Variants in MSRB3 observed in about 807,000 individuals in gnomAD.
The protein encoded by MSRB3 is methionine sulfoxide reductase B3, also known as methionine-R-sulfoxide reductase B3.
Under a neutral mutation model 21.0 loss-of-function variants are expected in MSRB3, and 13 were observed. The observed-to-expected ratio is 0.62, with a 90% CI of 0.40 to 0.98. MSRB3 has a LOEUF of 0.98. MSRB3 is among the 50% of genes least tolerant of loss of function. MSRB3 has a pLI of 0.00. For missense variants in MSRB3, 199 were observed against 230.3 expected (o/e 0.86, Z 0.88); for synonymous variants, 87 against 88.6 (o/e 0.98, Z 0.10).
chr12:65,351,677 A>G (rs1314190635), intron 4 of MSRB3, among the ~76,000 whole-genome samples: 3 of 149,616 alleles, frequency 2.0e-5, no homozygotes, highest in Non-Finnish European at 4.4e-5. Context: ...AGAGAATACT[A>G]CAAACACCTC....
chr12:65,405,484 C>T (rs1220738773), intron 5 of MSRB3, among the ~76,000 whole-genome samples: 1 of 151,518 alleles, frequency 6.6e-6, no homozygotes, highest in Non-Finnish European at 1.5e-5. Context: ...TCCAGTCATT[C>T]ATTGAAAGAG....
chr12:65,317,643 TA>T, intron 2 of MSRB3, among the ~76,000 whole-genome samples: 1 of 152,264 alleles, frequency 6.6e-6, no homozygotes, highest in African/African-American at 2.4e-5. Flanking sequence ...TCCAGAGAAT[TA>T]ATCAAATATT....
chr12:65,439,191 G>A (rs1210936032), intron 5 of MSRB3, among the ~76,000 whole-genome samples: 2 of 150,532 alleles, frequency 1.3e-5, no homozygotes, highest in Non-Finnish European at 3.0e-5. Context: ...AGGATAAAGG[G>A]GAATTATATG....
intron 5 of MSRB3, among the ~76,000 whole-genome samples, chr12:65,396,749 A>AAAGAAAG (rs1565872372): frequency 6.7e-6 from 1 of 149,656 alleles, no homozygotes; most frequent in African/African-American, 2.5e-5. Context: ...AGAAAGAAAG[A>AAAGAAAG]AAGAAAACCC....
At chr12:65,340,671 T>G (rs1254689172) in intron 4 of MSRB3, among the ~76,000 whole-genome samples, 1 of 152,112 alleles carries the variant, frequency 6.6e-6, no homozygotes, top group Non-Finnish European at 1.5e-5. Context: ...CCAATAAAGT[T>G]GACCATTTCT....
chr12:65,416,871 C>T (rs985794459), intron 5 of MSRB3, among the ~76,000 whole-genome samples: 2 of 152,154 alleles, frequency 1.3e-5, no homozygotes, highest in African/African-American at 2.4e-5. Context: ...CTATTGCCAA[C>T]TCGATAGTGT....
chr12:65,336,555 A>AT (rs1875775682), intron 4 of MSRB3, among the ~76,000 whole-genome samples: 1 of 152,212 alleles, frequency 6.6e-6, no homozygotes, highest in South Asian at 2.1e-4. Context: ...AATGGATTAC[A>AT]TTTTTCACAG....
chr12:65,318,394 T>C (rs963763834), intron 2 of MSRB3, among the ~76,000 whole-genome samples: 6 of 152,164 alleles, frequency 3.9e-5, no homozygotes, highest in African/African-American at 1.4e-4. Flanking sequence ...CTCATCTCCC[T>C]AGCAGTCGGT....
chr12:65,446,795 A>G (rs1231784505), intron 5 of MSRB3, among the ~76,000 whole-genome samples: 3 of 152,222 alleles, frequency 2.0e-5, no homozygotes, highest in African/African-American at 4.8e-5. Context: ...GCAGCCCAAA[A>G]TATGTACAAG....
At position 65,418,541 on chromosome 12, in the gene MSRB3, T is replaced by A. The variant is rs574420718; in HGVS notation, c.293-35187T>A. Among the ~76,000 whole-genome samples the A allele has an allele frequency of 7.2e-5, 11 of 152,228 alleles. No homozygotes were observed. In the East Asian group the frequency reaches 2.1e-3, roughly 29 times the overall value. ...GCCTTTGTTGCTTGTGTTTTTGGAGTTATATCCAAAAAAATTATTGCCCAG... is the reference window on the plus strand; with the variant it reads ...GCCTTTGTTGCTTGTGTTTTTGGAGATATATCCAAAAAAATTATTGCCCAG... On this transcript the variant is annotated intron_variant, in intron 5 of 6. Coordinates refer to ENST00000308259, the MANE Select transcript of MSRB3 (RefSeq NM_001031679.3).
At chr12:65,373,708 G>A (rs1171005271) in intron 5 of MSRB3, among the ~76,000 whole-genome samples, 2 of 152,134 alleles carry the variant, frequency 1.3e-5, no homozygotes, top group Non-Finnish European at 2.9e-5. Context: ...TTTAGTGTGC[G>A]GAGTTGAGGA....
At chr12:65,331,813 G>A (rs1031968584) in intron 4 of MSRB3, among the ~76,000 whole-genome samples, 1 of 152,228 alleles carries the variant, frequency 6.6e-6, no homozygotes, top group African/African-American at 2.4e-5. Context: ...GAGGAGATGG[G>A]TGCAGGAGAG....
At chr12:65,358,078 G>A (rs898729955) in intron 4 of MSRB3, among the ~76,000 whole-genome samples, 14 of 151,740 alleles carry the variant, frequency 9.2e-5, no homozygotes, top group Admixed American at 5.3e-4. Flanking sequence ...CTCTACAAGC[G>A]AGAGAAGTCT....
intron 5 of MSRB3, among the ~76,000 whole-genome samples, chr12:65,421,646 G>A (rs1881302883): frequency 6.6e-6 from 1 of 152,144 alleles, no homozygotes; most frequent in Admixed American, 6.5e-5. Context: ...TTCAGTGAAG[G>A]AGAAATAAGA....
chr12:65,399,055 T>G (rs1296124027), intron 5 of MSRB3, among the ~76,000 whole-genome samples: 2 of 152,210 alleles, frequency 1.3e-5, no homozygotes, highest in African/African-American at 2.4e-5. Context: ...CCTCCAGCTT[T>G]GTTCTTTTTG....
At chr12:65,418,792 G>A in intron 5 of MSRB3, 1 of 961,430 alleles carries the variant, frequency 1.0e-6, no homozygotes, top group Non-Finnish European at 1.7e-6. Context: ...GCGGGTGGTG[G>A]TCTTTTGGAT....
intron 1 of MSRB3, among the ~76,000 whole-genome samples, chr12:65,292,203 C>T (rs1183867344): frequency 2.0e-5 from 3 of 152,216 alleles, no homozygotes; most frequent in Non-Finnish European, 4.4e-5. Flanking sequence ...GTTTGATACA[C>T]TGACCACCCA....
chr12:65,323,263 C>T (rs886339947), intron 2 of MSRB3, among the ~76,000 whole-genome samples: 9 of 152,194 alleles, frequency 5.9e-5, no homozygotes, highest in Non-Finnish European at 1.3e-4. Flanking sequence ...GAGCTTCATA[C>T]TGGGGCTTCG....
At chr12:65,324,355 G>A (rs903401647) in intron 2 of MSRB3, among the ~76,000 whole-genome samples, 1 of 152,148 alleles carries the variant, frequency 6.6e-6, no homozygotes. Flanking sequence ...AAGGAGTACA[G>A]CAGCACTCTT....
Sources: allele counts gnomAD v4.1 joint callset (sites outside exome capture counted in the v4.1 genomes callset), GRCh38; gene constraint gnomAD v4.1.1; transcripts MANE v1.5; gene names NCBI Gene and HGNC (gene_info 2026-07-23, HGNC 2026-07-21).